The following RABL3 variants were observed in gnomAD, a reference collection of about 807,000 sequenced individuals.
The protein encoded by RABL3 is rab-like protein 3.
Under a neutral mutation model 31.8 loss-of-function variants are expected in RABL3, and 31 were observed. The observed-to-expected ratio is 0.97, with a 90% CI of 0.73 to 1.31. RABL3 has a LOEUF of 1.31. Among genes scored for constraint, RABL3 ranks in the 40% most tolerant of loss-of-function variants. The probability of loss-of-function intolerance (pLI) is 0.00; values close to 1 mark genes in which losing one functional copy is unlikely to be tolerated. For missense variants in RABL3, 263 were observed against 279.6 expected (o/e 0.94, Z 0.42); for synonymous variants, 97 against 99.9 (o/e 0.97, Z 0.18).
chr3:120,690,208 C>A (rs1289201810), intron 7 of RABL3, among the ~76,000 whole-genome samples: 2 of 152,072 alleles, frequency 1.3e-5, no homozygotes. Context: ...GAGTCCCAAG[C>A]AAATTATTTT....
intron 1 of RABL3, chr3:120,738,390 T>C (rs938886235): frequency 1.3e-5 from 2 of 152,466 alleles, no homozygotes; most frequent in Non-Finnish European, 2.9e-5. Flanking sequence ...ATTTTCCAGG[T>C]GCTGTCTGTC....
chr3:120,719,772 G>A (rs533367957), intron 2 of RABL3, among the ~76,000 whole-genome samples: 76 of 152,312 alleles, frequency 5.0e-4, no homozygotes, highest in South Asian at 1.7e-3. Context: ...CACCTCTGGG[G>A]GCAGGGCATA....
chr3:120,719,660 C>A (rs1708713441), intron 2 of RABL3, among the ~76,000 whole-genome samples: 1 of 152,182 alleles, frequency 6.6e-6, no homozygotes, highest in Admixed American at 6.5e-5. Context: ...GGAGGGGCAC[C>A]CACCATTGCC....
At chr3:120,694,304 T>C (rs2107575233) in intron 5 of RABL3, 80 bp from the exon 6 acceptor site, 2 of 886,312 alleles carry the variant, frequency 2.3e-6, no homozygotes, top group Non-Finnish European at 3.7e-6. Context: ...TCCTGTTGCA[T>C]ATTTCTGTAG....
At chr3:120,726,091 C>T (rs941093804) in intron 2 of RABL3, among the ~76,000 whole-genome samples, 7 of 152,264 alleles carry the variant, frequency 4.6e-5, no homozygotes, top group Middle Eastern at 3.4e-3. Context: ...AGTGGAATTA[C>T]AGGCATGAGC....
chr3:120,730,838 G>T, intron 1 of RABL3, 51 bp from the exon 2 acceptor site: 2 of 1,240,316 alleles, frequency 1.6e-6, no homozygotes, highest in Non-Finnish European at 2.4e-6. Context: ...GCTGAAATCT[G>T]TTTTGGAAAG....
chr3:120,695,889 C>T (rs759186077), intron 5 of RABL3, among the ~76,000 whole-genome samples: 41 of 152,226 alleles, frequency 2.7e-4, no homozygotes, highest in Non-Finnish European at 4.9e-4. Flanking sequence ...TTCTATGGTT[C>T]CATAATTTCA....
At position 120,685,947 on chromosome 3, in the gene RABL3, A is replaced by T. The variant is rs1314433902; in HGVS notation, c.*3876T>A. Among the ~76,000 whole-genome samples the T allele has an allele frequency of 1.3e-5, 2 of 152,214 alleles. No homozygotes were observed. Among genetic ancestry groups the T allele is most frequent in the African/African-American group, 4.8e-5 (2 of 41,460 alleles). ...CAAGCACTTCAGGGGATTCTTACAC[A>T]CTTCAGAGTTTGAAAGCCCTCCATG... On this transcript the variant is annotated 3_prime_UTR_variant, in exon 8 of 8. Transcript: ENST00000273375.
intron 5 of RABL3, 137 bp downstream of exon 5, chr3:120,698,286 G>A: frequency 3.8e-6 from 3 of 793,974 alleles, no homozygotes; most frequent in Non-Finnish European, 6.1e-6. Context: ...TTCCAATCTT[G>A]ACTACGTTTA....
At position 120,689,686 on chromosome 3, in the gene RABL3, C is replaced by T. The variant is rs1300173421; in HGVS notation, c.*137G>A. On this transcript the variant is annotated 3_prime_UTR_variant, in exon 8 of 8. Coordinates refer to ENST00000273375, the MANE Select transcript of RABL3 (RefSeq NM_173825.5). ...CGTATTGTCACTTCCTTTCATTTTTCCATTAAAGGGTAAGGCTGAAGGGTA... is the reference window on the plus strand; with the variant it reads ...CGTATTGTCACTTCCTTTCATTTTTTCATTAAAGGGTAAGGCTGAAGGGTA... 3.6e-5 allele frequency: 23 copies of T among 631,508 alleles called. No homozygotes were observed. Among genetic ancestry groups the T allele is most frequent in the Non-Finnish European group, 6.4e-5 (23 of 358,928 alleles). The allele number at this position is 631,508 out of a possible 1,614,324, so 39.1% of individuals were successfully genotyped here.
At chr3:120,719,459 G>A (rs958528617) in intron 2 of RABL3, among the ~76,000 whole-genome samples, 4 of 152,234 alleles carry the variant, frequency 2.6e-5, no homozygotes, top group African/African-American at 9.6e-5. Flanking sequence ...GCCAAGGGAA[G>A]CGGTGACAGA....
chr3:120,719,000 G>C (rs1217314474), intron 2 of RABL3, among the ~76,000 whole-genome samples: 2 of 152,014 alleles, frequency 1.3e-5, no homozygotes, highest in Admixed American at 1.3e-4. Flanking sequence ...ATGAGGAATA[G>C]ACAAATTCAC....
chr3:120,704,772 A>ATGG (rs1467618366), intron 4 of RABL3, among the ~76,000 whole-genome samples: 7 of 152,176 alleles, frequency 4.6e-5, no homozygotes, highest in Non-Finnish European at 8.8e-5. Flanking sequence ...ATGGCCAGGT[A>ATGG]TGGTGGCTCA....
At chr3:120,720,074 G>A (rs1708719679) in intron 2 of RABL3, among the ~76,000 whole-genome samples, 3 of 152,214 alleles carry the variant, frequency 2.0e-5, no homozygotes, top group Admixed American at 2.0e-4. Context: ...CAGGCAAACA[G>A]GGTCTGGAGC....
chr3:120,710,638 C>G (rs1275170031), intron 2 of RABL3: 1 of 152,208 alleles, frequency 6.6e-6, no homozygotes, highest in African/African-American at 2.4e-5. Context: ...GAGATCCCAT[C>G]CCCACTTTCT....
At chr3:120,713,582 T>TA (rs113136376) in intron 2 of RABL3, among the ~76,000 whole-genome samples, 1,735 of 152,304 alleles carry the variant, frequency 0.011, 33 homozygotes, top group African/African-American at 0.04. Flanking sequence ...ATCTGATACT[T>TA]AAAGTCATTA....
rs1373924103 is a variant in RABL3 at position 120,686,101 on chromosome 3, G to A, written c.*3722C>T. ...GGCAAACATGTTGTGAAATATTTGA[G>A]ACACAGGGTTAGACTTCCTGCGACC... On this transcript the variant is annotated 3_prime_UTR_variant, in exon 8 of 8. Transcript: ENST00000273375. 6.6e-6 allele frequency among the ~76,000 whole-genome samples: 1 copy of A among 152,192 alleles called. No homozygotes were observed. The highest frequency in any genetic ancestry group is 2.4e-5 in the African/African-American group (1 of 41,438).
At position 120,692,205 on chromosome 3, in the gene RABL3, T is replaced by G. The variant is rs376578509; in HGVS notation, c.607-1718A>C. ...TCCTTTTGGAGAAGAAATCTTTTTT[T>G]TTTGTTTGTTTCAGATGGAGTCCTG... On this transcript the variant is annotated intron_variant, in intron 6 of 7. Transcript: ENST00000273375. Among the ~76,000 whole-genome samples, 121 of 151,878 alleles carry G rather than the reference T, an allele frequency of 8.0e-4. 1 individual carries two copies. The highest frequency in any genetic ancestry group is 2.8e-3 in the African/African-American group (116 of 41,476).
chr3:120,695,520 C>T (rs1011994815), intron 5 of RABL3, among the ~76,000 whole-genome samples: 5 of 152,072 alleles, frequency 3.3e-5, no homozygotes, highest in Non-Finnish European at 7.4e-5. Flanking sequence ...CCTGGACATA[C>T]TGGGTAGTAA....
Sources: allele counts gnomAD v4.1 joint callset (sites outside exome capture counted in the v4.1 genomes callset), GRCh38; gene constraint gnomAD v4.1.1; transcripts MANE v1.5; gene names NCBI Gene and HGNC (gene_info 2026-07-23, HGNC 2026-07-21).